Variants in GPM6A observed in about 807,000 individuals in gnomAD.
The protein encoded by GPM6A is neuronal membrane glycoprotein M6-a.
Under a neutral mutation model 32.1 loss-of-function variants are expected in GPM6A, and 7 were observed. The observed-to-expected ratio is 0.22, with a 90% confidence interval of 0.12 to 0.41. The LOEUF is 0.41. Ranked by LOEUF, GPM6A falls within the 10% of genes least tolerant of loss-of-function variation. The pLI is 1.00. For synonymous variants in GPM6A, 130 were observed against 123.4 expected, an observed-to-expected ratio of 1.05 and a Z score of -0.35; for missense variants, 235 against 347.2, an observed-to-expected ratio of 0.68 and a Z score of 2.57.
intron 1 of GPM6A, among the ~76,000 whole-genome samples, chr4:175,721,399 C>G (rs1039172234): frequency 4.0e-5 from 6 of 151,588 alleles, no homozygotes; most frequent in Non-Finnish European, 8.8e-5. Context: ...TCGCTTGAAC[C>G]CAGGAGGCAG....
At chr4:175,740,340 A>G (rs1032971397) in intron 1 of GPM6A, among the ~76,000 whole-genome samples, 8 of 152,098 alleles carry the variant, frequency 5.3e-5, no homozygotes, top group African/African-American at 1.9e-4. Flanking sequence ...GATAACTTGT[A>G]TTTATTTAAA....
upstream of GPM6A, among the ~76,000 whole-genome samples, chr4:175,814,277 C>T (rs996362566): frequency 1.3e-4 from 20 of 152,148 alleles, no homozygotes; most frequent in Admixed American, 1.1e-3. Context: ...TAATTTTCCC[C>T]ACTTTATGAT....
chr4:175,803,968 G>GT lies in GPM6A; in HGVS notation c.37+8222dup, dbSNP rs147818827. Among the ~76,000 whole-genome samples the GT allele has an allele frequency of 6.1e-4, 90 of 147,376 alleles. No individual in the cohort carries two copies. The East Asian group carries it at 7.1e-3, about 12-fold the overall frequency. On this transcript the variant is annotated intron_variant, in intron 1 of 6. Transcript: ENST00000393658. ...AAAGCATTCTTTTCACTGTAAAATG[G>GT]TTTTTTTTTTTAACTTGATGAAAAA...
At chr4:175,899,792 T>G (rs1737897929) in intron 1 of GPM6A, among the ~76,000 whole-genome samples, 1 of 152,018 alleles carries the variant, frequency 6.6e-6, no homozygotes, top group Non-Finnish European at 1.5e-5. Context: ...GGGGAAAATC[T>G]ACAGGACATT....
intron 1 of GPM6A, among the ~76,000 whole-genome samples, chr4:175,821,755 C>G (rs2111350605): frequency 6.6e-6 from 1 of 151,780 alleles, no homozygotes; most frequent in African/African-American, 2.4e-5. Context: ...TTGACTGAAG[C>G]AAAGGAACAC....
intron 1 of GPM6A, among the ~76,000 whole-genome samples, chr4:175,956,327 G>A (rs1333378023): frequency 1.3e-5 from 2 of 152,142 alleles, no homozygotes; most frequent in Non-Finnish European, 2.9e-5. Context: ...TAAATAAAAT[G>A]TAGGGCTTAA....
At chr4:175,700,604 T>C (rs779124270) in intron 2 of GPM6A, among the ~76,000 whole-genome samples, 2 of 152,184 alleles carry the variant, frequency 1.3e-5, no homozygotes, top group African/African-American at 2.4e-5. Flanking sequence ...TAGTTAAAAA[T>C]GTATATACAT....
intron 1 of GPM6A, among the ~76,000 whole-genome samples, chr4:175,951,158 G>C (rs1182203401): frequency 6.6e-6 from 1 of 152,054 alleles, no homozygotes; most frequent in Non-Finnish European, 1.5e-5. Flanking sequence ...CTATCATCCT[G>C]CCTACTGAAC....
At chr4:175,923,613 G>A (rs1162295899) in intron 1 of GPM6A, among the ~76,000 whole-genome samples, 1 of 151,968 alleles carries the variant, frequency 6.6e-6, no homozygotes, top group Non-Finnish European at 1.5e-5. Flanking sequence ...GAGTGCAGTG[G>A]CGTGAGCTTG....
intron 1 of GPM6A, among the ~76,000 whole-genome samples, chr4:175,983,261 A>G (rs1227400683): frequency 1.3e-5 from 2 of 152,230 alleles, no homozygotes; most frequent in Non-Finnish European, 2.9e-5. Context: ...CATAGAATGG[A>G]AAGTGGCTTA....
At chr4:175,715,565 T>C (rs1240849438) in intron 1 of GPM6A, among the ~76,000 whole-genome samples, 1 of 151,974 alleles carries the variant, frequency 6.6e-6, no homozygotes, top group Non-Finnish European at 1.5e-5. Context: ...GGAGGAAGAG[T>C]TGAAGACTAA....
intron 1 of GPM6A, among the ~76,000 whole-genome samples, chr4:175,771,122 A>G (rs1193576624): frequency 6.6e-6 from 1 of 151,544 alleles, no homozygotes; most frequent in Non-Finnish European, 1.5e-5. Flanking sequence ...TCTCACCTTC[A>G]TTATGGCCAC....
intron 1 of GPM6A, among the ~76,000 whole-genome samples, chr4:175,703,524 A>C (rs1744996812): frequency 6.6e-6 from 1 of 152,116 alleles, no homozygotes; most frequent in Admixed American, 6.6e-5. Context: ...TGGTTGTCAA[A>C]AATTCTTTGG....
At chr4:175,824,802 A>G (rs915402644) in intron 1 of GPM6A, among the ~76,000 whole-genome samples, 1 of 152,110 alleles carries the variant, frequency 6.6e-6, no homozygotes, top group African/African-American at 2.4e-5. Context: ...TGGTATTTCT[A>G]TTTTACAGGG....
intron 1 of GPM6A, among the ~76,000 whole-genome samples, chr4:175,801,620 G>A (rs939032316): frequency 6.6e-6 from 1 of 152,040 alleles, no homozygotes; most frequent in Non-Finnish European, 1.5e-5. Context: ...TTTAAAAATT[G>A]AGCGTGTCAG....
chr4:175,866,833 A>T (rs1271736738), intron 1 of GPM6A, among the ~76,000 whole-genome samples: 1 of 152,166 alleles, frequency 6.6e-6, no homozygotes, highest in East Asian at 1.9e-4. Flanking sequence ...TTTGTAAGAA[A>T]CCACCAAACT....
rs144795747 is a variant in GPM6A at position 175,846,381 on chromosome 4, A to G, written c.-22-34132T>C. On this transcript the variant is annotated intron_variant, in intron 1 of 7. Coordinates refer to the GPM6A transcript ENST00000280187. Reference sequence around the variant, plus strand: ...ACTTCAGTTTATAAACCTCTTGAATATTGAAAAGAAACTTCAAATATTGAT... The same window carrying G: ...ACTTCAGTTTATAAACCTCTTGAATGTTGAAAAGAAACTTCAAATATTGAT... 6.7e-3 allele frequency among the ~76,000 whole-genome samples: 1,019 copies of G among 152,242 alleles called. 8 individuals carry two copies. The highest frequency in any genetic ancestry group is 0.022 in the African/African-American group (933 of 41,542).
intron 1 of GPM6A, chr4:175,960,706 C>T (rs1740137328): frequency 6.6e-6 from 1 of 152,146 alleles, no homozygotes; most frequent in Non-Finnish European, 1.5e-5. Flanking sequence ...ATATAATTAT[C>T]CCACATACTA....
intron 1 of GPM6A, among the ~76,000 whole-genome samples, chr4:175,827,265 T>C (rs539510544): frequency 1.3e-5 from 2 of 152,330 alleles, no homozygotes; most frequent in African/African-American, 4.8e-5. Context: ...ATTTAGTAGC[T>C]CAGTAAGACC....
Sources: allele counts gnomAD v4.1 joint callset (sites outside exome capture counted in the v4.1 genomes callset), GRCh38; gene constraint gnomAD v4.1.1; transcripts MANE v1.5; gene names NCBI Gene and HGNC (gene_info 2026-07-23, HGNC 2026-07-21).